The following MAP4K4 variants were observed in gnomAD, a reference collection of about 807,000 sequenced individuals.
MAP4K4 encodes the protein HPK/GCK-like kinase HGK.
Under a neutral mutation model 189.6 loss-of-function variants are expected in MAP4K4, and 38 were observed. The ratio of observed to expected loss-of-function variants is 0.20; its 90% CI spans 0.15 to 0.26. The LOEUF is 0.26. Among genes scored for constraint, MAP4K4 ranks in the 10% least tolerant of loss-of-function variants. The pLI, the probability that MAP4K4 is intolerant of heterozygous loss-of-function variation, is 1.00. For missense variants in MAP4K4, 1,054 were observed against 1,726.9 expected (o/e 0.61, Z 6.91); for synonymous variants, 610 against 624.3 (o/e 0.98, Z 0.34).
At chr2:101,813,009 G>A (rs2095524573) in intron 3 of MAP4K4, among the ~76,000 whole-genome samples, 1 of 152,090 alleles carries the variant, frequency 6.6e-6, no homozygotes, top group African/African-American at 2.4e-5. Flanking sequence ...GGTGCCTGTA[G>A]TCCCAGCTAC....
At chr2:101,843,179 A>C (rs1182723178) in intron 11 of MAP4K4, among the ~76,000 whole-genome samples, 2 of 152,220 alleles carry the variant, frequency 1.3e-5, no homozygotes, top group Non-Finnish European at 2.9e-5. Flanking sequence ...TGAACCTCAT[A>C]ATAACTGATG....
intron 2 of MAP4K4, among the ~76,000 whole-genome samples, chr2:101,712,608 T>G (rs1466042082): frequency 1.3e-5 from 2 of 152,156 alleles, no homozygotes; most frequent in Non-Finnish European, 2.9e-5. Context: ...CAAGTGATTC[T>G]TGTGCCTCAA....
chr2:101,733,507 G>C lies in MAP4K4; in HGVS notation c.123+34969G>C, dbSNP rs144782963. Among the ~76,000 whole-genome samples, 249 of 152,312 alleles carry C rather than the reference G, an allele frequency of 1.6e-3. 1 individual carries two copies. Among genetic ancestry groups the C allele is most frequent in the East Asian group, 0.016 (82 of 5,188 alleles). Reference sequence around the variant, plus strand: ...ATGAGCAGTGGCCATTAGGTGTGATGGTGGTTGTAGGAGCAGCCACAGGCA... The same window carrying C: ...ATGAGCAGTGGCCATTAGGTGTGATCGTGGTTGTAGGAGCAGCCACAGGCA... On this transcript the variant is annotated intron_variant, in intron 2 of 32. Coordinates refer to ENST00000324219, the Ensembl canonical transcript of MAP4K4.
At chr2:101,849,128 GTGTTT>G (rs1453658566) in intron 12 of MAP4K4, among the ~76,000 whole-genome samples, 1 of 152,050 alleles carries the variant, frequency 6.6e-6, no homozygotes, top group East Asian at 1.9e-4. Context: ...CCTCAAAAAG[GTGTTT>G]TGTTTTGGAG....
intron 9 of MAP4K4, among the ~76,000 whole-genome samples, chr2:101,836,576 G>T (rs1009630190): frequency 6.6e-6 from 1 of 151,482 alleles, no homozygotes; most frequent in African/African-American, 2.4e-5. Flanking sequence ...TAACAAGAGC[G>T]AAACTCTGTC....
chr2:101,788,410 T>A (rs2148762420), intron 2 of MAP4K4, among the ~76,000 whole-genome samples: 1 of 152,292 alleles, frequency 6.6e-6, no homozygotes, highest in Non-Finnish European at 1.5e-5. Flanking sequence ...GGTCGGAAAC[T>A]CCTAGAACTT....
intron 2 of MAP4K4, among the ~76,000 whole-genome samples, chr2:101,712,748 G>A (rs1467375341): frequency 6.6e-6 from 1 of 151,362 alleles, no homozygotes; most frequent in Non-Finnish European, 1.5e-5. Context: ...CACCCATCTC[G>A]GCCTCTCCAC....
intron 2 of MAP4K4, among the ~76,000 whole-genome samples, chr2:101,784,789 A>C (rs948889648): frequency 2.0e-5 from 3 of 152,174 alleles, no homozygotes; most frequent in Non-Finnish European, 4.4e-5. Context: ...TTCCTATGTA[A>C]GTTGGTTAAT....
chr2:101,721,020 G>C (rs940263426), intron 2 of MAP4K4, among the ~76,000 whole-genome samples: 1 of 152,134 alleles, frequency 6.6e-6, no homozygotes, highest in African/African-American at 2.4e-5. Flanking sequence ...ATTGCATTTA[G>C]CGCTACTCAT....
chr2:101,880,776 G>A (rs534312604), intron 27 of MAP4K4, among the ~76,000 whole-genome samples: 1 of 152,138 alleles, frequency 6.6e-6, no homozygotes, highest in East Asian at 1.9e-4. Context: ...TAAAGTACTG[G>A]GATTACAGGC....
chr2:101,843,606 C>G (rs749545134), intron 11 of MAP4K4, among the ~76,000 whole-genome samples: 3 of 152,180 alleles, frequency 2.0e-5, no homozygotes, highest in African/African-American at 4.8e-5. Flanking sequence ...TTTAATTGAT[C>G]TGTGTAGTGG....
Position 101,866,203 on chromosome 2 carries a change from C to G in MAP4K4, c.2205-225C>G, listed in dbSNP as rs563893287. Among the ~76,000 whole-genome samples, 6 of 152,266 alleles carry G rather than the reference C, an allele frequency of 3.9e-5. No homozygotes were observed. In the East Asian group the frequency reaches 1.2e-3, roughly 29 times the overall value. ...CTCACACCTGATGATTTTAGATCTA[C>G]TAATGGTAGGATATCATTTAGCATA... On this transcript the variant is annotated intron_variant, in intron 18 of 32. Coordinates refer to ENST00000324219, the Ensembl canonical transcript of MAP4K4.
At chr2:101,756,608 G>C (rs866444875) in intron 2 of MAP4K4, among the ~76,000 whole-genome samples, 2 of 152,100 alleles carry the variant, frequency 1.3e-5, no homozygotes, top group African/African-American at 4.8e-5. Flanking sequence ...ATGCTGGAGT[G>C]CTGTGGCTTG....
chr2:101,857,888 CA>C (rs1227350661), intron 13 of MAP4K4, among the ~76,000 whole-genome samples: 4 of 152,152 alleles, frequency 2.6e-5, no homozygotes, highest in Admixed American at 1.3e-4. Context: ...CACCATGACA[CA>C]AGGGGATGGT....
At chr2:101,734,772 T>C (rs114312725) in intron 2 of MAP4K4, among the ~76,000 whole-genome samples, 1,535 of 152,298 alleles carry the variant, frequency 0.01, 27 homozygotes, top group African/African-American at 0.036. Flanking sequence ...ATCCTGGGTC[T>C]GTGCTCTTGG....
rs185624265 is a variant in MAP4K4, at chr2:101,758,379, C to G, written c.124-32341C>G. Among the ~76,000 whole-genome samples the G allele has an allele frequency of 2.9e-3, 442 of 152,258 alleles. 1 individual carries two copies. Among genetic ancestry groups the G allele is most frequent in the Non-Finnish European group, 5.2e-3 (352 of 68,010 alleles). ...CTGTTTGGCAGTATAGTATAGTTCA[C>G]CTTTGAACAACATGGATTTGAACTG... On this transcript the variant is annotated intron_variant, in intron 2 of 32. Coordinates refer to ENST00000324219, the Ensembl canonical transcript of MAP4K4.
chr2:101,728,719 A>G (rs1398533442), intron 2 of MAP4K4, among the ~76,000 whole-genome samples: 1 of 152,164 alleles, frequency 6.6e-6, no homozygotes, highest in East Asian at 1.9e-4. Context: ...GGGTTTCACC[A>G]GGTTGTCCAG....
At chr2:101,779,326 A>C (rs1406721189) in intron 2 of MAP4K4, among the ~76,000 whole-genome samples, 1 of 152,172 alleles carries the variant, frequency 6.6e-6, no homozygotes, top group African/African-American at 2.4e-5. Flanking sequence ...TATGCAGAGT[A>C]GTCAGGGAAG....
intron 2 of MAP4K4, among the ~76,000 whole-genome samples, chr2:101,699,952 T>G (rs2037350563): frequency 6.6e-6 from 1 of 152,220 alleles, no homozygotes; most frequent in African/African-American, 2.4e-5. Context: ...CACTGAGTGG[T>G]TGGTAACTGG....
Sources: allele counts gnomAD v4.1 joint callset (sites outside exome capture counted in the v4.1 genomes callset), GRCh38; gene constraint gnomAD v4.1.1; transcripts MANE v1.5; gene names NCBI Gene and HGNC (gene_info 2026-07-23, HGNC 2026-07-21).